Variants in GGT1 observed in about 807,000 individuals in gnomAD.
GGT1 encodes glutathione hydrolase 1 proenzyme.
In GGT1, 21 loss-of-function variants were observed where a neutral mutation model predicts 56.0. The observed-to-expected ratio is 0.38, with a 90% CI of 0.27 to 0.54. GGT1 has a LOEUF of 0.54. Ranked by LOEUF, GGT1 falls within the 20% of genes least tolerant of loss-of-function variation. The probability of loss-of-function intolerance (pLI) is 0.82; values close to 1 mark genes in which losing one functional copy is unlikely to be tolerated. For synonymous variants in GGT1, 238 were observed against 342.6 expected, an observed-to-expected ratio of 0.69 and a Z score of 3.37; for missense variants, 466 against 787.0, an observed-to-expected ratio of 0.59 and a Z score of 4.88.
chr22:24,595,116 G>A (rs1235114628), intron 1 of GGT1, among the ~76,000 whole-genome samples: 1 of 152,148 alleles, frequency 6.6e-6, no homozygotes, highest in Non-Finnish European at 1.5e-5. Flanking sequence ...AGAGCTTAGA[G>A]TCCTGTGGAA....
intron 7 of GGT1, among the ~76,000 whole-genome samples, chr22:24,616,856 T>G (rs1277830591): frequency 3.3e-5 from 5 of 152,176 alleles, no homozygotes; most frequent in Admixed American, 6.5e-5. Context: ...ATCTTTCATT[T>G]TTTTTTAATA....
chr22:24,593,810 A>G (rs1601603998), upstream of GGT1, among the ~76,000 whole-genome samples: 1 of 151,982 alleles, frequency 6.6e-6, no homozygotes, highest in Non-Finnish European at 1.5e-5. Flanking sequence ...AGAAAAGAAA[A>G]GAAATCTCTG....
chr22:24,602,095 T>C (rs1404123435), upstream of GGT1, among the ~76,000 whole-genome samples: 2 of 152,044 alleles, frequency 1.3e-5, no homozygotes, highest in East Asian at 1.9e-4. Context: ...GCCACCTCCT[T>C]TTCCAGCTTT....
rs528563963 is a variant in GGT1, at chr22:24,628,355, C to G, written c.1530C>G (p.Pro510=). 1.3e-5 allele frequency: 21 copies of G among 1,611,524 alleles called. 1 individual carries two copies. The South Asian group carries it at 2.2e-4, about 17-fold the overall frequency. ...EEPRLHNQLL[P]NVTTVERNID... The stretch of plus-strand genomic sequence containing the variant: ...CCCGGCTGCACAACCAGCTTCTGCC[C>G]AACGTCACGACAGTGGAGAGAAACA... The change falls in exon 15 of 16, where the codon CCC becomes CCG. Residue 510 remains proline (P), a synonymous_variant. Coordinates refer to ENST00000400382, the MANE Select transcript of GGT1 (RefSeq NM_001288833.2). This position sits in a 1 kb window ranked among gnomAD's most constrained non-coding sequence, Gnocchi z 5.7.
At chr22:24,586,015 G>A in the GGT1 span, 18,836 of 1,611,140 alleles carry the variant, frequency 0.012, 128 homozygotes, top group Non-Finnish European at 0.014. Flanking sequence ...AGATGGTGGG[G>A]AGTGAGGTGC....
chr22:24,590,629 C>T (rs1373422842), upstream of GGT1, among the ~76,000 whole-genome samples: 4 of 152,150 alleles, frequency 2.6e-5, no homozygotes, highest in East Asian at 1.9e-4. Flanking sequence ...ATTCCCCTGT[C>T]CCCCAGTGTT....
upstream of GGT1, chr22:24,592,574 A>C: frequency 2.2e-6 from 1 of 458,792 alleles, no homozygotes; most frequent in Non-Finnish European, 4.1e-6. Flanking sequence ...AACACACACA[A>C]CCCCTCTCAA....
At chr22:24,591,477 A>G (rs1279705604), upstream of GGT1, among the ~76,000 whole-genome samples, 29 of 152,108 alleles carry the variant, frequency 1.9e-4, no homozygotes, top group Non-Finnish European at 1.5e-5. Context: ...TCCATAGGTG[A>G]TATGCTCTGT....
rs554052539 is a variant in GGT1, at chr22:24,608,646, T to A, written c.-359+623T>A. Among the ~76,000 whole-genome samples the A allele has an allele frequency of 2.2e-4, 34 of 152,294 alleles. 1 individual carries two copies. In the South Asian group the frequency reaches 6.6e-3, roughly 30 times the overall value. On this transcript the variant is annotated intron_variant, in intron 2 of 15. Coordinates refer to ENST00000400382, the MANE Select transcript of GGT1 (RefSeq NM_001288833.2). ...CCCATGACTTGTGGTGGAAATGTCC[T>A]TTTGTTTTTGTTTTTTTGCATTTTT... is the stretch of plus-strand genomic sequence containing the variant.
chr22:24,622,432 C>T (rs189459524), intron 9 of GGT1, among the ~76,000 whole-genome samples: 70 of 151,862 alleles, frequency 4.6e-4, no homozygotes, highest in African/African-American at 1.5e-3. Context: ...CGTGTGGTGG[C>T]GGGCGCCTGC....
At chr22:24,589,501 C>A in the GGT1 span, 4 of 530,088 alleles carry the variant, frequency 7.5e-6, no homozygotes, top group Non-Finnish European at 1.1e-5. Flanking sequence ...GTCTGTGACC[C>A]GCAGGGTCCC....
intron 4 of GGT1, among the ~76,000 whole-genome samples, chr22:24,610,749 G>C (rs866117689): frequency 7.1e-6 from 1 of 140,008 alleles, no homozygotes; most frequent in Admixed American, 7.6e-5. Flanking sequence ...CTGTAAGGAG[G>C]TAGGCAAGGC....
At chr22:24,627,793 G>C in intron 12 of GGT1, 59 bp from the exon 13 acceptor site, 1 of 1,579,652 alleles carries the variant, frequency 6.3e-7, no homozygotes, top group South Asian at 1.2e-5. Flanking sequence ...TCAGTGGGTG[G>C]ATAGGGACCA....
In GGT1 at chr22:24,623,911, A is replaced by C; in HGVS notation, c.1015A>C (p.Thr339Pro). Residue 339 changes from threonine (T) to proline (P), a missense_variant, in exon 11 of 16, where the codon ACT (threonine) becomes CCT (proline). Transcript: ENST00000400382. ...LLGDPKFVDV[T>P]EVVRNMTSEF... ...TGGGGACCCCAAGTTTGTGGATGTG[A>C]CTGAGGTAAGGGGCAGGGGCTGGCC... The C allele has an allele frequency of 1.2e-6, 2 of 1,610,922 alleles. No homozygotes were observed. The highest frequency in any genetic ancestry group is 1.7e-6 in the Non-Finnish European group (2 of 1,179,438).
Position 24,628,456 on chromosome 22 carries a change from G to C in GGT1, c.1563+68G>C, listed in dbSNP as rs1434108623. The C allele has an allele frequency of 1.2e-5, 19 of 1,602,220 alleles. No individual in the cohort carries two copies. The South Asian group carries it at 2.1e-4, about 18-fold the overall frequency. On this transcript the variant is annotated intron_variant, in intron 15 of 15. Coordinates refer to ENST00000400382, the MANE Select transcript of GGT1 (RefSeq NM_001288833.2). This position sits in a 1 kb window ranked among gnomAD's most constrained non-coding sequence, Gnocchi z 5.7. ...CAGGGCATCCTGGGCTGGAGGCCTG[G>C]ATCATCACAGAGTGGACAATGGTTG... is the stretch of plus-strand genomic sequence containing the variant.
At chr22:24,622,884 G>A (rs1040996092) in intron 9 of GGT1, among the ~76,000 whole-genome samples, 5 of 152,188 alleles carry the variant, frequency 3.3e-5, no homozygotes, top group African/African-American at 1.2e-4. Flanking sequence ...CAGGAGTGCC[G>A]GAGCTGATGA....
Position 24,620,025 on chromosome 22 carries a change from A to T in GGT1, c.383-303A>T, listed in dbSNP as rs1368360324. On this transcript the variant is annotated intron_variant, in intron 7 of 15. Coordinates refer to ENST00000400382, the MANE Select transcript of GGT1 (RefSeq NM_001288833.2). The surrounding 1 kb of genome is among the most constrained non-coding windows in gnomAD (Gnocchi z 5.6). Reference sequence around the variant, plus strand: ...ATTAAACATCCCCTCCTAAAAAAAAACAATTAAAATTAAAAAATAAATTTA... The same window carrying T: ...ATTAAACATCCCCTCCTAAAAAAAATCAATTAAAATTAAAAAATAAATTTA... Among the ~76,000 whole-genome samples, 1 of 128,034 alleles carries T rather than the reference A, an allele frequency of 7.8e-6. No homozygotes were observed. Among genetic ancestry groups the T allele is most frequent in the East Asian group, 2.2e-4 (1 of 4,626 alleles). The allele number at this position is 128,034 out of a possible 152,430, so 84.0% of individuals were successfully genotyped here.
intron 7 of GGT1, among the ~76,000 whole-genome samples, chr22:24,618,553 T>A (rs1326292280): frequency 6.6e-6 from 1 of 152,216 alleles, no homozygotes; most frequent in Non-Finnish European, 1.5e-5. Flanking sequence ...ATCATGCCAC[T>A]GCACTGTAGT....
upstream of GGT1, among the ~76,000 whole-genome samples, chr22:24,599,830 T>C (rs7286626): frequency 0.025 from 3,757 of 152,254 alleles, 146 homozygotes; most frequent in African/African-American, 0.084. Context: ...TCCCCAAAAG[T>C]CCAGGTGAGA....
Sources: allele counts gnomAD v4.1 joint callset (sites outside exome capture counted in the v4.1 genomes callset), GRCh38; gene constraint gnomAD v4.1.1; non-coding constraint Gnocchi (gnomAD v3.1); transcripts MANE v1.5; gene names NCBI Gene and HGNC (gene_info 2026-07-23, HGNC 2026-07-21).